DAB1: variants seen among roughly 807,000 people sequenced by gnomAD.
DAB1 encodes disabled homolog 1.
DAB1 carries 15 observed loss-of-function variants against 64.6 expected under a neutral mutation model. That is an observed-to-expected ratio of 0.23 (90% CI 0.16 to 0.36). The LOEUF (loss-of-function observed/expected upper bound fraction) is 0.36, where lower values mean the gene tolerates loss of function less well. Among genes scored for constraint, DAB1 ranks in the 10% least tolerant of loss-of-function variants. DAB1 has a pLI of 1.00. For missense variants in DAB1, 596 were observed against 706.7 expected, an observed-to-expected ratio of 0.84 and a Z score of 1.78; for synonymous variants, 235 against 251.9, an observed-to-expected ratio of 0.93 and a Z score of 0.64.
chr1:57,680,163 G>A (rs1646619778), intron 6 of DAB1, among the ~76,000 whole-genome samples: 1 of 152,190 alleles, frequency 6.6e-6, no homozygotes, highest in African/African-American at 2.4e-5. Flanking sequence ...AAAAGCAAAT[G>A]TGGGCTATAC....
chr1:57,063,309 T>C (rs899689540), intron 8 of DAB1, among the ~76,000 whole-genome samples: 1 of 152,060 alleles, frequency 6.6e-6, no homozygotes, highest in Non-Finnish European at 1.5e-5. Flanking sequence ...GTTCCTGAAG[T>C]GATTAAAAAC....
chr1:57,576,360 A>G (rs1645249848), intron 7 of DAB1, among the ~76,000 whole-genome samples: 1 of 152,200 alleles, frequency 6.6e-6, no homozygotes, highest in East Asian at 1.9e-4. Context: ...TTGTGAGTCA[A>G]AAAGAAGCTG....
At chr1:57,653,175 T>C (rs185829404) in intron 6 of DAB1, among the ~76,000 whole-genome samples, 1 of 152,202 alleles carries the variant, frequency 6.6e-6, no homozygotes, top group East Asian at 1.9e-4. Context: ...ATATAAAACA[T>C]TGTAGAAATA....
chr1:58,494,380 A>G (rs1305211930), intron 3 of DAB1, among the ~76,000 whole-genome samples: 1 of 152,114 alleles, frequency 6.6e-6, no homozygotes, highest in African/African-American at 2.4e-5. Flanking sequence ...TGTCTAAAAC[A>G]CCAAAAGCAA....
intron 1 of DAB1, chr1:57,306,749 T>A (rs957708650): frequency 6.6e-6 from 1 of 152,112 alleles, no homozygotes; most frequent in African/African-American, 2.4e-5. Context: ...ACAACATTTT[T>A]AAAAATGGAC....
chr1:57,570,436 T>C lies in DAB1; in HGVS notation n.625+79156A>G, dbSNP rs547218078. Among the ~76,000 whole-genome samples, 266 of 152,240 alleles carry C rather than the reference T, an allele frequency of 1.7e-3. 1 individual carries two copies. Among genetic ancestry groups the C allele is most frequent in the African/African-American group, 5.8e-3 (239 of 41,534 alleles). ...TACTGCTTTAGTTCTGTCCCTTATG[T>C]TTAACCCACCTTATGTTTTTGCTTG... On this transcript the variant is annotated intron_variant and non_coding_transcript_variant, in intron 7 of 20. Transcript: ENST00000485760.
At chr1:57,431,143 C>CACAAAAAAAAAAAAAAAAAAAAAA (rs749097562) in intron 7 of DAB1, among the ~76,000 whole-genome samples, 3 of 96,410 alleles carry the variant, frequency 3.1e-5, no homozygotes, top group African/African-American at 7.4e-5. Context: ...AGGCCAAAAA[C>CACAAAAAAAAAAAAAAAAAAAAAA]AAAAAAAAAA....
chr1:57,983,015 G>C (rs111942641), intron 5 of DAB1, among the ~76,000 whole-genome samples: 98 of 152,290 alleles, frequency 6.4e-4, no homozygotes, highest in African/African-American at 2.3e-3. Context: ...TGTGGAGCTG[G>C]GTTGCAGCCA....
At chr1:57,427,108 C>T (rs901083942), upstream of DAB1, among the ~76,000 whole-genome samples, 2 of 152,098 alleles carry the variant, frequency 1.3e-5, no homozygotes, top group African/African-American at 4.8e-5. Context: ...CATGATCCAC[C>T]CGCCTCGGCC....
At chr1:57,257,647 C>G (rs1242875422) in intron 2 of DAB1, among the ~76,000 whole-genome samples, 2 of 152,108 alleles carry the variant, frequency 1.3e-5, no homozygotes, top group African/African-American at 2.4e-5. Flanking sequence ...CCTAAAATAT[C>G]TGAAATTTAT....
At chr1:58,069,736 G>T (rs866820867) in intron 5 of DAB1, among the ~76,000 whole-genome samples, 1 of 151,932 alleles carries the variant, frequency 6.6e-6, no homozygotes, top group Non-Finnish European at 1.5e-5. Flanking sequence ...ATCTCTCCAC[G>T]AACCCAATGA....
intron 7 of DAB1, among the ~76,000 whole-genome samples, chr1:57,445,462 C>T (rs185651940): frequency 6.6e-6 from 1 of 152,124 alleles, no homozygotes; most frequent in Non-Finnish European, 1.5e-5. Flanking sequence ...ACAATCCCAT[C>T]ATTCTAATTA....
chr1:57,705,027 A>C (rs1368084679), intron 6 of DAB1, among the ~76,000 whole-genome samples: 1 of 152,172 alleles, frequency 6.6e-6, no homozygotes, highest in East Asian at 1.9e-4. Flanking sequence ...AGTGTGGCAT[A>C]ATAAAAATAG....
At chr1:57,645,497 T>G (rs2101648179) in intron 7 of DAB1, among the ~76,000 whole-genome samples, 1 of 152,300 alleles carries the variant, frequency 6.6e-6, no homozygotes, top group Middle Eastern at 3.4e-3. Context: ...GCTTCTTCCT[T>G]CCTTGTTGTC....
intron 1 of DAB1, among the ~76,000 whole-genome samples, chr1:57,835,476 G>C (rs1371710879): frequency 6.6e-6 from 1 of 152,128 alleles, no homozygotes; most frequent in African/African-American, 2.4e-5. Flanking sequence ...ATTGTTGTTA[G>C]AAACCACAGA....
intron 9 of DAB1, among the ~76,000 whole-genome samples, chr1:57,056,504 CAAAA>C (rs71051216): frequency 3.4e-5 from 3 of 87,024 alleles, no homozygotes; most frequent in Admixed American, 1.4e-4. Flanking sequence ...GAGCCTGTCT[CAAAA>C]AAAAAAAAAA....
chr1:57,780,469 A>T (rs149968333), intron 6 of DAB1, among the ~76,000 whole-genome samples: 1,668 of 152,204 alleles, frequency 0.011, 23 homozygotes, highest in African/African-American at 0.039. Context: ...TCAACAATTG[A>T]TATATACAGA....
At chr1:57,978,946 T>C (rs1645992621) in intron 5 of DAB1, among the ~76,000 whole-genome samples, 1 of 152,140 alleles carries the variant, frequency 6.6e-6, no homozygotes, top group Non-Finnish European at 1.5e-5. Context: ...GAAATAGGGA[T>C]GCTTGTACAT....
At chr1:57,050,785 C>T (rs1649107773) in intron 9 of DAB1, among the ~76,000 whole-genome samples, 1 of 152,108 alleles carries the variant, frequency 6.6e-6, no homozygotes, top group African/African-American at 2.4e-5. Context: ...TCTAAAGCAG[C>T]CTATCTTTAT....
Sources: gnomAD v4.1 joint callset for allele counts (sites outside exome capture counted in the v4.1 genomes callset) on GRCh38, gnomAD v4.1.1 for gene constraint, MANE v1.5 for transcripts, NCBI Gene and HGNC (gene_info 2026-07-23, HGNC 2026-07-21) for gene names.